CCDC102B: variants seen among roughly 807,000 people sequenced by gnomAD.
The protein encoded by CCDC102B is coiled-coil domain-containing protein 102B.
A neutral mutation model predicts 57.4 loss-of-function variants in CCDC102B; 75 were observed. The ratio of observed to expected loss-of-function variants is 1.31; its 90% CI spans 1.08 to 1.58. CCDC102B has a LOEUF of 1.58. CCDC102B is among the 40% of genes most tolerant of loss of function. The probability of loss-of-function intolerance (pLI) is 0.00; values close to 1 mark genes in which losing one functional copy is unlikely to be tolerated. For missense variants in CCDC102B, 636 were observed against 582.6 expected (o/e 1.09, Z -0.94); for synonymous variants, 206 against 201.9 (o/e 1.02, Z -0.17).
chr18:68,821,170 A>G (rs2036676069), intron 1 of CCDC102B, among the ~76,000 whole-genome samples: 1 of 152,102 alleles, frequency 6.6e-6, no homozygotes, highest in African/African-American at 2.4e-5. Context: ...AAAATTTGGC[A>G]CAAATACTAC....
upstream of CCDC102B, among the ~76,000 whole-genome samples, chr18:68,797,482 C>A (rs979338350): frequency 6.6e-5 from 10 of 152,002 alleles, no homozygotes; most frequent in African/African-American, 2.2e-4. Context: ...TGGAAAGCTA[C>A]TTCATATTCT....
chr18:68,860,475 C>CAAAA (rs1169097862), intron 4 of CCDC102B, among the ~76,000 whole-genome samples: 680 of 52,698 alleles, frequency 0.013, 4 homozygotes, highest in Admixed American at 0.035. Flanking sequence ...AAAACAAAAA[C>CAAAA]AAAAAAAAAA....
rs1315619863 is a variant in CCDC102B, at chr18:69,021,941, G to C, written c.1434+10837G>C. On this transcript the variant is annotated intron_variant, in intron 7 of 7. Transcript: ENST00000360242. ...TCTTGCCATTCTTTATCTTGCTCTT[G>C]TTCTTTACTTTACCAACCATGGTCT... Among the ~76,000 whole-genome samples the C allele has an allele frequency of 2.6e-5, 4 of 152,034 alleles. No homozygotes were observed. In the East Asian group the frequency reaches 7.7e-4, roughly 29 times the overall value.
intron 6 of CCDC102B, among the ~76,000 whole-genome samples, chr18:68,914,006 A>T (rs1356867532): frequency 6.6e-6 from 1 of 152,234 alleles, no homozygotes; most frequent in Non-Finnish European, 1.5e-5. Context: ...ACCCAGGAGC[A>T]CATATATTTT....
At chr18:68,879,216 C>T (rs969514210) in intron 5 of CCDC102B, among the ~76,000 whole-genome samples, 10 of 151,558 alleles carry the variant, frequency 6.6e-5, no homozygotes, top group African/African-American at 1.7e-4. Flanking sequence ...TCATTCCTCC[C>T]GGTGGGCTCT....
intron 2 of CCDC102B, 160 bp from the exon 3 acceptor site, chr18:68,838,546 T>C (rs2037485915): frequency 3.0e-6 from 3 of 985,392 alleles, no homozygotes; most frequent in Non-Finnish European, 3.6e-6. Flanking sequence ...CAAAGAAGAA[T>C]GCAAGTAAGT....
At chr18:69,006,534 G>A (rs895259244) in intron 6 of CCDC102B, among the ~76,000 whole-genome samples, 1 of 150,596 alleles carries the variant, frequency 6.6e-6, no homozygotes, top group Non-Finnish European at 1.5e-5. Context: ...GTGATTCCCT[G>A]CCTCAGCCTC....
chr18:68,900,093 C>T (rs1397018594), intron 6 of CCDC102B: 1 of 152,198 alleles, frequency 6.6e-6, no homozygotes, highest in East Asian at 1.9e-4. Context: ...TCTAGAACAA[C>T]CATTGCATGA....
chr18:69,034,585 G>T (rs1335028842), intron 7 of CCDC102B, among the ~76,000 whole-genome samples: 1 of 151,862 alleles, frequency 6.6e-6, no homozygotes, highest in African/African-American at 2.4e-5. Context: ...CTATGCTTAA[G>T]CCAGTAAAAC....
chr18:69,057,273 T>C (rs924954093), downstream of CCDC102B, among the ~76,000 whole-genome samples: 3 of 152,112 alleles, frequency 2.0e-5, no homozygotes, highest in Admixed American at 6.6e-5. Flanking sequence ...TGAAACTTAG[T>C]AGCTTAAAAC....
At chr18:68,872,208 G>A (rs2039265130) in intron 4 of CCDC102B, among the ~76,000 whole-genome samples, 1 of 152,180 alleles carries the variant, frequency 6.6e-6, no homozygotes, top group South Asian at 2.1e-4. Context: ...CTTTAGAGGT[G>A]TTGAGTAGGA....
At chr18:68,868,733 C>T (rs1243439072) in intron 4 of CCDC102B, among the ~76,000 whole-genome samples, 1 of 152,130 alleles carries the variant, frequency 6.6e-6, no homozygotes, top group Non-Finnish European at 1.5e-5. Flanking sequence ...TGTGTATCAA[C>T]ATGAAGGCAA....
At chr18:68,913,184 TTTCTAA>T (rs2040933996) in intron 6 of CCDC102B, among the ~76,000 whole-genome samples, 1 of 152,208 alleles carries the variant, frequency 6.6e-6, no homozygotes, top group Non-Finnish European at 1.5e-5. Context: ...TTTGGCAGCC[TTTCTAA>T]TTCTCTCTAA....
intron 4 of CCDC102B, among the ~76,000 whole-genome samples, chr18:68,856,773 G>A (rs1459699126): frequency 2.6e-5 from 4 of 151,638 alleles, no homozygotes; most frequent in East Asian, 1.9e-4. Context: ...GTTTCTACAT[G>A]GCATTTTCCT....
At chr18:68,946,655 T>C (rs373204957) in intron 6 of CCDC102B, among the ~76,000 whole-genome samples, 12 of 152,210 alleles carry the variant, frequency 7.9e-5, no homozygotes, top group African/African-American at 2.9e-4. Context: ...ATCCAAAGCA[T>C]GATAAAATTA....
intron 2 of CCDC102B, among the ~76,000 whole-genome samples, chr18:68,790,542 T>C (rs2144659116): frequency 6.6e-6 from 1 of 152,280 alleles, no homozygotes; most frequent in South Asian, 2.1e-4. Context: ...TGCGCCGTTT[T>C]TCAAGCCCGT....
intron 6 of CCDC102B, among the ~76,000 whole-genome samples, chr18:68,998,766 C>T (rs1316978632): frequency 6.6e-6 from 1 of 151,878 alleles, no homozygotes; most frequent in Non-Finnish European, 1.5e-5. Context: ...TTCCATGCTC[C>T]TCTGCCTGCT....
Position 68,861,529 on chromosome 18 carries a change from C to A in CCDC102B, c.937-13140C>A, listed in dbSNP as rs183192356. On this transcript the variant is annotated intron_variant, in intron 4 of 7. Transcript: ENST00000360242. Reference sequence around the variant, plus strand: ...AGATGAGACCAGAGTAGCATTTAGCCTTGGGCTATCTTACCTACTGAGTAC... The same window carrying A: ...AGATGAGACCAGAGTAGCATTTAGCATTGGGCTATCTTACCTACTGAGTAC... Among the ~76,000 whole-genome samples, 40 of 152,202 alleles carry A rather than the reference C, an allele frequency of 2.6e-4. 1 individual carries two copies. The East Asian group carries it at 7.1e-3, about 27-fold the overall frequency.
chr18:68,819,208 A>T (rs2036602975), intron 1 of CCDC102B, among the ~76,000 whole-genome samples: 1 of 152,072 alleles, frequency 6.6e-6, no homozygotes, highest in Non-Finnish European at 1.5e-5. Context: ...TTTTTCTTAG[A>T]TGACTTCTAG....
Sources: allele counts gnomAD v4.1 joint callset (sites outside exome capture counted in the v4.1 genomes callset), GRCh38; gene constraint gnomAD v4.1.1; transcripts MANE v1.5; gene names NCBI Gene and HGNC (gene_info 2026-07-23, HGNC 2026-07-21).